Variants in SNX18 observed in about 807,000 individuals in gnomAD.
SNX18 encodes the protein sorting nexin 18.
SNX18 carries 35 observed loss-of-function variants against 48.7 expected under a neutral mutation model. The observed-to-expected ratio is 0.72, with a 90% CI of 0.55 to 0.95. The LOEUF (loss-of-function observed/expected upper bound fraction) is 0.95, where lower values mean the gene tolerates loss of function less well. Among genes scored for constraint, SNX18 ranks in the 40% least tolerant of loss-of-function variants. The probability of loss-of-function intolerance (pLI) is 0.00; values close to 1 mark genes in which losing one functional copy is unlikely to be tolerated. For missense variants in SNX18, 824 were observed against 871.0 expected (o/e 0.95, Z 0.68); for synonymous variants, 492 against 384.7 (o/e 1.28, Z -3.26).
At chr5:54,587,327 C>A in the SNX18 span, among the ~76,000 whole-genome samples, 1 of 152,068 alleles carries the variant, frequency 6.6e-6, no homozygotes, top group South Asian at 2.1e-4. Context: ...TTTCTGTAAA[C>A]AAGTGGTTAT....
the SNX18 span, among the ~76,000 whole-genome samples, chr5:54,558,882 T>A: frequency 1.3e-5 from 2 of 151,924 alleles, no homozygotes; most frequent in Non-Finnish European, 2.9e-5. Flanking sequence ...ATTTCCAACC[T>A]GTAAACTTGC....
the SNX18 span, among the ~76,000 whole-genome samples, chr5:54,633,928 T>C: frequency 6.6e-6 from 1 of 152,224 alleles, no homozygotes; most frequent in Non-Finnish European, 1.5e-5. Context: ...GGCTTACTTG[T>C]CCAGAAACAC....
intron 1 of SNX18, among the ~76,000 whole-genome samples, chr5:54,523,942 G>GAA (rs1250318485): frequency 1.3e-5 from 2 of 152,228 alleles, no homozygotes; most frequent in African/African-American, 4.8e-5. Context: ...GGAATACAGA[G>GAA]AAAAGCTCTA....
At chr5:54,627,635 A>T in the SNX18 span, among the ~76,000 whole-genome samples, 1 of 152,046 alleles carries the variant, frequency 6.6e-6, no homozygotes, top group Non-Finnish European at 1.5e-5. Context: ...GCTGCCTCAC[A>T]TGGTGGCTAA....
the SNX18 span, among the ~76,000 whole-genome samples, chr5:54,605,836 CT>C: frequency 2.6e-5 from 4 of 151,812 alleles, no homozygotes; most frequent in South Asian, 2.1e-4. Flanking sequence ...AATCTAAAAA[CT>C]TTTTTTTGTA....
At chr5:54,596,340 A>T in the SNX18 span, among the ~76,000 whole-genome samples, 1 of 152,152 alleles carries the variant, frequency 6.6e-6, no homozygotes, top group Non-Finnish European at 1.5e-5. Flanking sequence ...CTCTACCAAA[A>T]CAGACTCTTT....
the SNX18 span, among the ~76,000 whole-genome samples, chr5:54,590,528 C>G: frequency 6.6e-6 from 1 of 152,172 alleles, no homozygotes; most frequent in Non-Finnish European, 1.5e-5. Context: ...CAGCTACTGG[C>G]AGGAGTGTAG....
the SNX18 span, among the ~76,000 whole-genome samples, chr5:54,605,086 T>C: frequency 6.6e-6 from 1 of 152,146 alleles, no homozygotes; most frequent in African/African-American, 2.4e-5. Flanking sequence ...GTGATCAAAA[T>C]GTAAGATCTA....
At chr5:54,551,769 T>C in the SNX18 span, among the ~76,000 whole-genome samples, 2 of 152,268 alleles carry the variant, frequency 1.3e-5, no homozygotes, top group East Asian at 3.9e-4. Flanking sequence ...AGTGGTGATG[T>C]GGTGGTCTCC....
chr5:54,625,582 T>C, the SNX18 span, among the ~76,000 whole-genome samples: 1 of 152,158 alleles, frequency 6.6e-6, no homozygotes, highest in African/African-American at 2.4e-5. Flanking sequence ...TTTTGTAACC[T>C]AATCTCAGAG....
chr5:54,543,992 A>G lies in SNX18; in HGVS notation c.*560A>G, dbSNP rs1168570832. ...TTGAAAGAGTGAAAGGCCAGTGCAT[A>G]TAATGACAAACTGATGATAACCTTA... On this transcript the variant is annotated 3_prime_UTR_variant, in exon 2 of 2. Transcript: ENST00000381410. 1.4e-5 allele frequency: 2 copies of G among 147,848 alleles called. No individual in the cohort carries two copies. Among genetic ancestry groups the G allele is most frequent in the Non-Finnish European group, 3.0e-5 (2 of 67,156 alleles). 9.2% of individuals were successfully genotyped at this position (147,848 alleles called of 1,614,324 possible). A position where few individuals can be genotyped will look rare whatever the true frequency, so the allele number is the denominator to read the frequency against.
the SNX18 span, among the ~76,000 whole-genome samples, chr5:54,554,423 A>G: frequency 6.6e-6 from 1 of 152,370 alleles, no homozygotes; most frequent in Admixed American, 6.5e-5. Flanking sequence ...ACAAGTAGAC[A>G]TAAACAGGGC....
the SNX18 span, among the ~76,000 whole-genome samples, chr5:54,627,361 T>C: frequency 2.0e-5 from 3 of 152,222 alleles, no homozygotes; most frequent in East Asian, 5.8e-4. Flanking sequence ...TAATGCTTCC[T>C]CTTACCCTTT....
chr5:54,646,321 T>A, the SNX18 span, among the ~76,000 whole-genome samples: 1 of 152,214 alleles, frequency 6.6e-6, no homozygotes, highest in African/African-American at 2.4e-5. Context: ...AGGGGCTGAT[T>A]TCCTCTTCTT....
Position 54,518,010 on chromosome 5 carries a change from T to A in SNX18, c.58T>A (p.Ser20Thr), listed in dbSNP as rs1391370884. 3 of 1,546,336 alleles carry A rather than the reference T, an allele frequency of 1.9e-6. No individual in the cohort carries two copies. The highest frequency in any genetic ancestry group is 2.6e-6 in the Non-Finnish European group (3 of 1,148,876). ...DFRSENPGEI[S>T]LREHEVLSLC... ...CAGGTCGGAGAACCCAGGAGAGATC[T>A]CGCTGCGAGAGCACGAGGTGCTGAG... The change falls in exon 1 of 2, where the codon TCG (serine) becomes ACG (threonine). Residue 20 changes from serine (S) to threonine (T), a missense_variant. Coordinates refer to ENST00000381410, the MANE Select transcript of SNX18 (RefSeq NM_001102575.2).
chr5:54,519,924 G>GTA, intron 1 of SNX18: 1 of 1,146,426 alleles, frequency 8.7e-7, no homozygotes, highest in South Asian at 1.5e-5. Flanking sequence ...ACCATGTTAG[G>GTA]TATCTGTTTG....
At chr5:54,627,020 G>C in the SNX18 span, among the ~76,000 whole-genome samples, 6 of 152,180 alleles carry the variant, frequency 3.9e-5, no homozygotes, top group African/African-American at 1.4e-4. Context: ...GTTCACTGAT[G>C]GATTCCTCTG....
chr5:54,573,274 G>T, the SNX18 span, among the ~76,000 whole-genome samples: 104 of 152,228 alleles, frequency 6.8e-4, no homozygotes, highest in African/African-American at 2.4e-3. Flanking sequence ...ATCCTACTCG[G>T]TCTATGGAGT....
In SNX18 at chr5:54,544,483, G is replaced by A. The variant is rs1447549033; in HGVS notation, c.*1051G>A. 1 of 151,974 alleles carries A rather than the reference G, an allele frequency of 6.6e-6. No individual in the cohort carries two copies. Among genetic ancestry groups the A allele is most frequent in the Non-Finnish European group, 1.5e-5 (1 of 67,984 alleles). The allele number at this position is 151,974 out of a possible 1,614,324, so 9.4% of individuals were successfully genotyped here. On this transcript the variant is annotated 3_prime_UTR_variant, in exon 2 of 2. Coordinates refer to ENST00000381410, the MANE Select transcript of SNX18 (RefSeq NM_001102575.2). ...CACTTGTTTACTTAAAAACTTTTCAGGGATGTCTGTAAATTTCAGTGTTAA... is the reference window on the plus strand; with the variant it reads ...CACTTGTTTACTTAAAAACTTTTCAAGGATGTCTGTAAATTTCAGTGTTAA...
Sources: gnomAD v4.1 joint callset for allele counts (sites outside exome capture counted in the v4.1 genomes callset) on GRCh38, gnomAD v4.1.1 for gene constraint, MANE v1.5 for transcripts, NCBI Gene and HGNC (gene_info 2026-07-23, HGNC 2026-07-21) for gene names.